The following INO80 variants were observed in gnomAD, a reference collection of about 807,000 sequenced individuals.
INO80 encodes the protein INO80 complex ATPase subunit.
A neutral mutation model predicts 203.4 loss-of-function variants in INO80; 20 were observed. The observed-to-expected ratio is 0.10, with a 90% CI of 0.07 to 0.14. The LOEUF (loss-of-function observed/expected upper bound fraction) is 0.14, where lower values mean the gene tolerates loss of function less well. INO80 is among the 10% of genes least tolerant of loss of function. INO80 has a pLI of 1.00. For synonymous variants in INO80, 726 were observed against 685.2 expected (o/e 1.06, Z -0.93); for missense variants, 1,419 against 1,914.4 (o/e 0.74, Z 4.83).
intron 24 of INO80, among the ~76,000 whole-genome samples, chr15:41,035,843 A>C (rs2044564130): frequency 6.8e-6 from 1 of 146,680 alleles, no homozygotes; most frequent in South Asian, 2.2e-4. Context: ...AAAAAAAAAA[A>C]AAAAGTCTGG....
rs546688556 is a variant in INO80 at position 41,084,981 on chromosome 15, C to T, written c.873+388G>A. Among the ~76,000 whole-genome samples the T allele has an allele frequency of 7.2e-5, 11 of 152,320 alleles. No individual in the cohort carries two copies. The South Asian group carries it at 2.1e-3, about 29-fold the overall frequency. On this transcript the variant is annotated intron_variant, in intron 7 of 35. Transcript: ENST00000648947. ...CAAACTCCTGGGCTCAAGCGATCTA[C>T]CCACCTCAGCCTCCCAAAGTGCTGG...
intron 1 of INO80, among the ~76,000 whole-genome samples, chr15:41,100,886 T>C (rs1482462113): frequency 1.3e-5 from 2 of 150,848 alleles, no homozygotes; most frequent in South Asian, 2.1e-4. Flanking sequence ...TGGAGCACAA[T>C]GGGGTGATCT....
At chr15:40,983,722 A>G (rs1893919279) in intron 34 of INO80, 40 bp downstream of exon 34, 2 of 1,590,768 alleles carry the variant, frequency 1.3e-6, no homozygotes, top group Non-Finnish European at 1.7e-6. Flanking sequence ...AGTGCTGGGC[A>G]GTGGACCAGG....
chr15:41,098,865 T>C (rs2045763121), intron 1 of INO80, among the ~76,000 whole-genome samples: 1 of 152,102 alleles, frequency 6.6e-6, no homozygotes, highest in Non-Finnish European at 1.5e-5. Context: ...AACAAAGATG[T>C]ATGACTAGCT....
intron 26 of INO80, chr15:41,018,177 C>T (rs2044238762): frequency 6.6e-6 from 1 of 151,932 alleles, no homozygotes; most frequent in Admixed American, 6.6e-5. Flanking sequence ...GGTGGGCAAG[C>T]TAAGTTCGTA....
At chr15:41,031,763 T>A (rs1277935119) in intron 24 of INO80, among the ~76,000 whole-genome samples, 1 of 151,992 alleles carries the variant, frequency 6.6e-6, no homozygotes, top group African/African-American at 2.4e-5. Context: ...CCGGAAGCAC[T>A]GGCAGATGTG....
intron 27 of INO80, among the ~76,000 whole-genome samples, chr15:41,015,672 A>C (rs923735330): frequency 6.6e-6 from 1 of 150,844 alleles, no homozygotes; most frequent in Admixed American, 6.7e-5. Context: ...GTGGTGGCTC[A>C]TGCCTGTAAT....
chr15:41,050,705 C>T (rs1048871343), intron 19 of INO80, among the ~76,000 whole-genome samples: 3 of 152,178 alleles, frequency 2.0e-5, no homozygotes, highest in Admixed American at 1.3e-4. Context: ...TTGTGGTCTT[C>T]CTGCCTCCAG....
At chr15:41,047,342 A>C in intron 23 of INO80, 66 bp downstream of exon 23, 1 of 897,778 alleles carries the variant, frequency 1.1e-6, no homozygotes, top group Non-Finnish European at 1.8e-6. Flanking sequence ...TTAATTCCAC[A>C]GTATTCAATA....
At chr15:41,077,586 G>A (rs1486876275) in intron 9 of INO80, among the ~76,000 whole-genome samples, 2 of 152,030 alleles carry the variant, frequency 1.3e-5, no homozygotes, top group Non-Finnish European at 2.9e-5. Context: ...TGAAGAGATG[G>A]TATCTTACTC....
intron 1 of INO80, chr15:41,109,178 G>C (rs984012951): frequency 1.3e-5 from 2 of 152,474 alleles, no homozygotes; most frequent in African/African-American, 2.4e-5. Context: ...TAATGGCTAG[G>C]CACAGTGGCT....
At chr15:40,991,270 A>G (rs775205982) in intron 29 of INO80, among the ~76,000 whole-genome samples, 98 of 152,350 alleles carry the variant, frequency 6.4e-4, no homozygotes, top group Admixed American at 8.5e-4. Flanking sequence ...GAAAACAGAA[A>G]AAAATAGGAT....
At chr15:41,050,126 T>C (rs781158729) in intron 19 of INO80, 24 bp from the exon 20 acceptor site, 1 of 1,563,152 alleles carries the variant, frequency 6.4e-7, no homozygotes, top group Non-Finnish European at 8.8e-7. Context: ...AGAACATTTA[T>C]ATTTGGAAAA....
In INO80 at chr15:41,045,569, G is replaced by C. The variant is rs1300037134; in HGVS notation, c.2736-494C>G. 2.6e-5 allele frequency among the ~76,000 whole-genome samples: 3 copies of C among 114,138 alleles called. No individual in the cohort carries two copies. In the Admixed American group the frequency reaches 3.0e-4, roughly 11 times the overall value. The allele number at this position is 114,138 out of a possible 152,430, so 74.9% of individuals were successfully genotyped here. A position where few individuals can be genotyped will look rare whatever the true frequency, so the allele number is the denominator to read the frequency against. On this transcript the variant is annotated intron_variant, in intron 23 of 35. Coordinates refer to ENST00000648947, the MANE Select transcript of INO80 (RefSeq NM_017553.3). ...TGTACTCCAGCCTGGGCGACAGAGCGAGACTCTGTCTCAAAAAAAAAAAAA... is the reference window on the plus strand; with the variant it reads ...TGTACTCCAGCCTGGGCGACAGAGCCAGACTCTGTCTCAAAAAAAAAAAAA...
intron 6 of INO80, 30 bp downstream of exon 6, chr15:41,087,532 T>A: frequency 6.2e-7 from 1 of 1,611,160 alleles, no homozygotes; most frequent in Non-Finnish European, 8.5e-7. Context: ...TAAGAATGAA[T>A]ATACGTGGAA....
chr15:40,988,691 C>T (rs904772963), intron 29 of INO80, among the ~76,000 whole-genome samples: 15 of 152,100 alleles, frequency 9.9e-5, no homozygotes, highest in African/African-American at 3.4e-4. Flanking sequence ...ACCAGCCTGG[C>T]CAACATAGTG....
chr15:41,097,248 G>C (rs1424045584), intron 1 of INO80, among the ~76,000 whole-genome samples: 1 of 151,898 alleles, frequency 6.6e-6, no homozygotes, highest in Non-Finnish European at 1.5e-5. Flanking sequence ...GTTTCACCAT[G>C]TTGGTCAGGC....
rs1240453434 is a variant in INO80 at position 40,980,020 on chromosome 15, T to A, written c.*203A>T. On this transcript the variant is annotated 3_prime_UTR_variant, in exon 36 of 36. Coordinates refer to ENST00000648947, the MANE Select transcript of INO80 (RefSeq NM_017553.3). ...GCTGATCCATGCCCTGTGGCCTTCCTCCTACAGGCACCCCAGATGCTCCTG... is the reference window on the plus strand; with the variant it reads ...GCTGATCCATGCCCTGTGGCCTTCCACCTACAGGCACCCCAGATGCTCCTG... 3 of 593,500 alleles carry A rather than the reference T, an allele frequency of 5.1e-6. No homozygotes were observed. In the African/African-American group the frequency reaches 5.6e-5, roughly 11 times the overall value. 36.8% of individuals were successfully genotyped at this position (593,500 alleles called of 1,614,324 possible). A position where few individuals can be genotyped will look rare whatever the true frequency, so the allele number is the denominator to read the frequency against.
intron 10 of INO80, among the ~76,000 whole-genome samples, chr15:41,074,037 G>A (rs950535106): frequency 3.3e-5 from 5 of 151,958 alleles, no homozygotes; most frequent in Admixed American, 6.6e-5. Context: ...AACAAGAATC[G>A]TATTATGTGA....
Sources: allele counts gnomAD v4.1 joint callset (sites outside exome capture counted in the v4.1 genomes callset), GRCh38; gene constraint gnomAD v4.1.1; transcripts MANE v1.5; gene names NCBI Gene and HGNC (gene_info 2026-07-23, HGNC 2026-07-21).